The following GRIK1 variants were observed in gnomAD, a reference collection of about 807,000 sequenced individuals.
GRIK1 encodes glutamate ionotropic receptor kainate type subunit 1.
A neutral mutation model predicts 105.7 loss-of-function variants in GRIK1; 69 were observed. The observed-to-expected ratio is 0.65, with a 90% CI of 0.54 to 0.80. GRIK1 has a LOEUF of 0.80. Ranked by LOEUF, GRIK1 falls within the 30% of genes least tolerant of loss-of-function variation. The pLI is 0.00. For synonymous variants in GRIK1, 438 were observed against 431.3 expected (o/e 1.02, Z -0.19); for missense variants, 1,109 against 1,167.3 (o/e 0.95, Z 0.73).
intron 15 of GRIK1, among the ~76,000 whole-genome samples, chr21:29,560,505 TTCC>T (rs1181782058): frequency 1.8e-4 from 4 of 21,934 alleles, no homozygotes; most frequent in African/African-American, 7.4e-4. Context: ...CTTTCCTTCC[TTCC>T]TTCCTTCCTT....
Position 29,621,560 on chromosome 21 carries a change from A to G in GRIK1, c.1098+21266T>C, listed in dbSNP as rs140618270. On this transcript the variant is annotated intron_variant, in intron 7 of 17. Coordinates refer to ENST00000327783, the MANE Select transcript of GRIK1 (RefSeq NM_001330994.2). ...GTAATAGTGAACCCTCTTGCTATAA[A>G]TTCCACATAGTGTGATCATCTAGTT... is the stretch of plus-strand genomic sequence containing the variant. 5.9e-5 allele frequency among the ~76,000 whole-genome samples: 9 copies of G among 152,340 alleles called. No individual in the cohort carries two copies. In the East Asian group the frequency reaches 1.7e-3, roughly 29 times the overall value.
intron 1 of GRIK1, among the ~76,000 whole-genome samples, chr21:29,869,249 T>C (rs1314165577): frequency 6.6e-6 from 1 of 152,234 alleles, no homozygotes; most frequent in Non-Finnish European, 1.5e-5. Context: ...TTATGGAGCA[T>C]ATATTTCTAC....
At chr21:29,775,248 C>T (rs2065912983) in intron 1 of GRIK1, among the ~76,000 whole-genome samples, 2 of 146,518 alleles carry the variant, frequency 1.4e-5, no homozygotes, top group Non-Finnish European at 1.5e-5. Flanking sequence ...TGCACTCCAG[C>T]CTGGGCGACA....
At chr21:29,871,884 C>T (rs2069025807) in intron 1 of GRIK1, among the ~76,000 whole-genome samples, 1 of 150,404 alleles carries the variant, frequency 6.6e-6, no homozygotes, top group Non-Finnish European at 1.5e-5. Context: ...CCACTTCAAC[C>T]TCCCAAGTAG....
At chr21:29,773,141 A>G (rs910815962) in intron 1 of GRIK1, among the ~76,000 whole-genome samples, 3 of 152,190 alleles carry the variant, frequency 2.0e-5, no homozygotes, top group Non-Finnish European at 4.4e-5. Flanking sequence ...TTATGATAAT[A>G]TCTTTTTGTA....
intron 1 of GRIK1, among the ~76,000 whole-genome samples, chr21:29,744,280 T>A (rs1412572840): frequency 6.6e-6 from 1 of 152,194 alleles, no homozygotes; most frequent in African/African-American, 2.4e-5. Context: ...AACTTTTTCA[T>A]CTAGAGATGA....
intron 1 of GRIK1, among the ~76,000 whole-genome samples, chr21:29,765,075 G>T (rs2065625609): frequency 6.6e-6 from 1 of 152,110 alleles, no homozygotes; most frequent in Non-Finnish European, 1.5e-5. Context: ...TCCTTTAAAA[G>T]ATCATGACCT....
intron 1 of GRIK1, among the ~76,000 whole-genome samples, chr21:29,737,352 A>G (rs898263632): frequency 5.9e-5 from 9 of 152,222 alleles, no homozygotes; most frequent in Admixed American, 5.9e-4. Flanking sequence ...TAATGTTTCA[A>G]AGCGCTCACT....
intron 1 of GRIK1, among the ~76,000 whole-genome samples, chr21:29,914,244 T>C (rs1035801901): frequency 1.3e-5 from 2 of 152,034 alleles, no homozygotes; most frequent in East Asian, 1.9e-4. Flanking sequence ...TCATTGCCAG[T>C]AGAGAACCAC....
intron 7 of GRIK1, among the ~76,000 whole-genome samples, chr21:29,612,365 A>G (rs1320779221): frequency 6.6e-6 from 1 of 152,106 alleles, no homozygotes; most frequent in Non-Finnish European, 1.5e-5. Flanking sequence ...GTTTTGGATT[A>G]CTTGTGTGTT....
At chr21:29,745,293 A>T (rs2065024056) in intron 1 of GRIK1, among the ~76,000 whole-genome samples, 1 of 152,232 alleles carries the variant, frequency 6.6e-6, no homozygotes, top group Admixed American at 6.5e-5. Context: ...TCAGAAGTAG[A>T]TGCCTCTGCT....
chr21:29,627,222 T>A (rs2062151930), intron 7 of GRIK1, among the ~76,000 whole-genome samples: 1 of 152,232 alleles, frequency 6.6e-6, no homozygotes, highest in African/African-American at 2.4e-5. Flanking sequence ...ATGTTAGCAC[T>A]CTCTTTCCCA....
intron 1 of GRIK1, among the ~76,000 whole-genome samples, chr21:29,803,710 G>GAATTTGGCTT (rs1168789699): frequency 6.6e-6 from 1 of 152,038 alleles, no homozygotes; most frequent in Non-Finnish European, 1.5e-5. Context: ...TTGGCTTACT[G>GAATTTGGCTT]ACTCACAAAA....
At chr21:29,910,124 C>T (rs1365070740) in intron 1 of GRIK1, among the ~76,000 whole-genome samples, 1 of 152,008 alleles carries the variant, frequency 6.6e-6, no homozygotes, top group Non-Finnish European at 1.5e-5. Context: ...TTCACATTGC[C>T]TGTATCAAAA....
chr21:29,588,838 C>A lies in GRIK1; in HGVS notation c.1569+1G>T, dbSNP rs1225355023. The A allele has an allele frequency of 6.7e-7, 1 of 1,497,458 alleles. No individual in the cohort carries two copies. The highest frequency in any genetic ancestry group is 9.3e-7 in the Non-Finnish European group (1 of 1,074,884). 92.8% of individuals were successfully genotyped at this position (1,497,458 alleles called of 1,614,324 possible). ...GATATGTTAGAAATATTGTTACTTA[C>A]GTGATCTATGAGTTCTTTAACCATC... On this transcript the variant is annotated splice_donor_variant, in intron 11 of 17. Coordinates refer to ENST00000327783, the MANE Select transcript of GRIK1 (RefSeq NM_001330994.2). LOFTEE classifies it high-confidence loss of function.
At chr21:29,829,452 C>T (rs551062905) in intron 1 of GRIK1, among the ~76,000 whole-genome samples, 11 of 152,172 alleles carry the variant, frequency 7.2e-5, no homozygotes, top group Non-Finnish European at 1.0e-4. Context: ...TGTTATACTC[C>T]GTGGATCCTC....
intron 1 of GRIK1, among the ~76,000 whole-genome samples, chr21:29,929,917 G>A (rs1212472079): frequency 1.3e-5 from 2 of 152,178 alleles, no homozygotes; most frequent in East Asian, 3.8e-4. Flanking sequence ...GTCAACCTAA[G>A]TGTCCATCAG....
At chr21:29,752,542 A>T (rs1440549889) in intron 1 of GRIK1, among the ~76,000 whole-genome samples, 2 of 152,138 alleles carry the variant, frequency 1.3e-5, no homozygotes, top group Non-Finnish European at 2.9e-5. Flanking sequence ...AAGAAAAAAT[A>T]TGGCCAGGCA....
chr21:29,650,392 A>G (rs1025061746), intron 6 of GRIK1, among the ~76,000 whole-genome samples: 2 of 152,246 alleles, frequency 1.3e-5, no homozygotes. Context: ...GATGGCTCCC[A>G]TATAGGAAGC....
Sources: gnomAD v4.1 joint callset for allele counts (sites outside exome capture counted in the v4.1 genomes callset) on GRCh38, gnomAD v4.1.1 for gene constraint, MANE v1.5 for transcripts, NCBI Gene and HGNC (gene_info 2026-07-23, HGNC 2026-07-21) for gene names.